Variants in GREM2 observed in about 807,000 individuals in gnomAD.
GREM2 encodes the protein gremlin 2, DAN family BMP antagonist.
In GREM2, 11 loss-of-function variants were observed where a neutral mutation model predicts 14.2. The ratio of observed to expected loss-of-function variants is 0.78; its 90% CI spans 0.49 to 1.28. GREM2 has a LOEUF of 1.28. GREM2 is among the 50% of genes most tolerant of loss of function. The pLI is 0.00. For missense variants in GREM2, 210 were observed against 218.5 expected (o/e 0.96, Z 0.24); for synonymous variants, 98 against 97.6 (o/e 1.00, Z -0.02).
intron 1 of GREM2, among the ~76,000 whole-genome samples, chr1:240,496,950 GGCAGAGGTT>G (rs1209931651): frequency 4.6e-5 from 7 of 152,146 alleles, no homozygotes; most frequent in African/African-American, 1.7e-4. Context: ...GAACCCGGGA[GGCAGAGGTT>G]GCAGTGAGCC....
At chr1:240,575,554 T>C (rs1276728117) in intron 1 of GREM2, among the ~76,000 whole-genome samples, 1 of 151,692 alleles carries the variant, frequency 6.6e-6, no homozygotes, top group East Asian at 1.9e-4. Context: ...TGAGTCTCAC[T>C]CTGTCGCTCA....
intron 1 of GREM2, among the ~76,000 whole-genome samples, chr1:240,611,262 G>C (rs941331685): frequency 6.6e-6 from 1 of 152,036 alleles, no homozygotes; most frequent in Non-Finnish European, 1.5e-5. Context: ...TTTTAAACTC[G>C]TAAGACAATG....
intron 1 of GREM2, chr1:240,531,607 G>A: frequency 1.0e-6 from 1 of 978,858 alleles, no homozygotes; most frequent in Non-Finnish European, 1.2e-6. Flanking sequence ...GTGTGGTTAT[G>A]TGGCGAGGCC....
chr1:240,608,691 C>A (rs1457268263), intron 1 of GREM2, among the ~76,000 whole-genome samples: 1 of 152,172 alleles, frequency 6.6e-6, no homozygotes, highest in African/African-American at 2.4e-5. Context: ...AAATTGAGTT[C>A]ACTGTGAAAT....
chr1:240,522,632 C>T (rs542468753), intron 1 of GREM2, among the ~76,000 whole-genome samples: 1 of 152,276 alleles, frequency 6.6e-6, no homozygotes, highest in East Asian at 1.9e-4. Context: ...AAAACATTGA[C>T]TTACACATTT....
intron 1 of GREM2, among the ~76,000 whole-genome samples, chr1:240,565,846 CA>C (rs57078582): frequency 0.033 from 3,134 of 94,098 alleles, 39 homozygotes; most frequent in African/African-American, 0.066. Flanking sequence ...ACTCTGTCTC[CA>C]AAAAAAAAAA....
chr1:240,598,478 A>G (rs987356532), intron 1 of GREM2, among the ~76,000 whole-genome samples: 6 of 152,224 alleles, frequency 3.9e-5, no homozygotes, highest in African/African-American at 1.4e-4. Flanking sequence ...AAGACCAAAG[A>G]TATTTTTACA....
At chr1:240,539,789 A>G (rs1422203441) in intron 1 of GREM2, among the ~76,000 whole-genome samples, 2 of 152,228 alleles carry the variant, frequency 1.3e-5, no homozygotes, top group African/African-American at 4.8e-5. Flanking sequence ...CCAGTAATCT[A>G]CATCTCTGAA....
chr1:240,493,895 G>A (rs1399473694), intron 1 of GREM2, among the ~76,000 whole-genome samples: 1 of 152,210 alleles, frequency 6.6e-6, no homozygotes, highest in Non-Finnish European at 1.5e-5. Context: ...GCTGCCCAGG[G>A]GCAGCTGGAG....
chr1:240,532,599 T>C (rs1348398608), intron 1 of GREM2, among the ~76,000 whole-genome samples: 2 of 151,986 alleles, frequency 1.3e-5, no homozygotes. Context: ...GGGCCAATCT[T>C]ATGTCAAGTA....
At chr1:240,601,746 A>C (rs928405131) in intron 1 of GREM2, among the ~76,000 whole-genome samples, 2 of 152,020 alleles carry the variant, frequency 1.3e-5, no homozygotes, top group African/African-American at 4.8e-5. Flanking sequence ...GTCTCTGCTA[A>C]AAATACAAAA....
intron 1 of GREM2, among the ~76,000 whole-genome samples, chr1:240,576,914 T>A (rs553804259): frequency 1.3e-5 from 2 of 152,322 alleles, no homozygotes; most frequent in Non-Finnish European, 2.9e-5. Context: ...AAGCAGTATA[T>A]GATAAGAACT....
intron 1 of GREM2, among the ~76,000 whole-genome samples, chr1:240,522,341 G>A (rs1347013942): frequency 6.6e-6 from 1 of 152,018 alleles, no homozygotes; most frequent in Non-Finnish European, 1.5e-5. Context: ...TCTGGCTTCT[G>A]GCACATTCAA....
In GREM2 at chr1:240,550,052, G is replaced by A. The variant is rs148423629; in HGVS notation, c.-1-56576C>T. 415 of 152,206 alleles carry A rather than the reference G, an allele frequency of 2.7e-3. 2 individuals carry two copies. Among genetic ancestry groups the A allele is most frequent in the African/African-American group, 9.8e-3 (406 of 41,468 alleles). The allele number at this position is 152,206 out of a possible 1,614,324, so 9.4% of individuals were successfully genotyped here. ...TTTATTTTTTTTAAGACGGAGTTTC[G>A]CTCTTGTTGCCCAGACTGGAGTGCA... On this transcript the variant is annotated intron_variant, in intron 1 of 1. Coordinates refer to ENST00000318160, the MANE Select transcript of GREM2 (RefSeq NM_022469.4).
At chr1:240,586,656 C>T (rs1679604762) in intron 1 of GREM2, among the ~76,000 whole-genome samples, 1 of 152,138 alleles carries the variant, frequency 6.6e-6, no homozygotes, top group Non-Finnish European at 1.5e-5. Flanking sequence ...CTGCATGTAC[C>T]CATGATGTTT....
intron 1 of GREM2, among the ~76,000 whole-genome samples, chr1:240,498,052 T>C (rs942078226): frequency 6.6e-6 from 1 of 152,136 alleles, no homozygotes; most frequent in Non-Finnish European, 1.5e-5. Flanking sequence ...AAATGCACGC[T>C]TTCCTTCAAC....
At chr1:240,551,930 G>A (rs1678862013) in intron 1 of GREM2, among the ~76,000 whole-genome samples, 1 of 152,144 alleles carries the variant, frequency 6.6e-6, no homozygotes, top group Admixed American at 6.5e-5. Context: ...GAAAGGGAGT[G>A]TAAATTCTGC....
chr1:240,496,191 C>T (rs1677410246), intron 1 of GREM2, among the ~76,000 whole-genome samples: 1 of 152,136 alleles, frequency 6.6e-6, no homozygotes, highest in African/African-American at 2.4e-5. Context: ...CCGGTCTCGG[C>T]CTCCCAAAGT....
chr1:240,535,249 C>T (rs1678449462), intron 1 of GREM2, among the ~76,000 whole-genome samples: 1 of 151,988 alleles, frequency 6.6e-6, no homozygotes, highest in Admixed American at 6.6e-5. Flanking sequence ...TGAACACTTC[C>T]CTTTACAGAG....
Sources: gnomAD v4.1 joint callset for allele counts (sites outside exome capture counted in the v4.1 genomes callset) on GRCh38, gnomAD v4.1.1 for gene constraint, MANE v1.5 for transcripts, NCBI Gene and HGNC (gene_info 2026-07-23, HGNC 2026-07-21) for gene names.